The following CD200 variants were observed in gnomAD, a reference collection of about 807,000 sequenced individuals.
CD200 encodes OX-2 membrane glycoprotein.
In CD200, 15 loss-of-function variants were observed where a neutral mutation model predicts 30.9. That is an observed-to-expected ratio of 0.49 (90% CI 0.32 to 0.75). CD200 has a LOEUF of 0.75. Ranked by LOEUF, CD200 falls within the 30% of genes least tolerant of loss-of-function variation. The pLI, the probability that CD200 is intolerant of heterozygous loss-of-function variation, is 0.03. For synonymous variants in CD200, 134 were observed against 126.2 expected (o/e 1.06, Z -0.41); for missense variants, 262 against 324.2 (o/e 0.81, Z 1.47).
chr3:112,334,584 C>T (rs2081070836), intron 1 of CD200, among the ~76,000 whole-genome samples: 2 of 151,970 alleles, frequency 1.3e-5, no homozygotes, highest in Non-Finnish European at 2.9e-5. Context: ...TCTTTTTAAC[C>T]ATTAGATTGG....
chr3:112,344,936 A>G (rs374656451), intron 2 of CD200, 26 bp from the exon 3 acceptor site: 2 of 1,507,886 alleles, frequency 1.3e-6, no homozygotes, highest in Non-Finnish European at 9.1e-7. Context: ...ATCTTTAAAT[A>G]TAAATGTTCT....
Position 112,344,987 on chromosome 3 carries a change from A to G in CD200, c.120A>G (p.Arg40=), listed in dbSNP as rs1347930276. The change falls in exon 3 of 6, where the codon AGA becomes AGG. Residue 40 remains arginine (R), a synonymous_variant. Transcript: ENST00000315711. ...TGCAAGTGGTGACCCAGGATGAAAGAGAGCAGCTGTACACACCTGCTTCCT... is the reference window on the plus strand; with the variant it reads ...TGCAAGTGGTGACCCAGGATGAAAGGGAGCAGCTGTACACACCTGCTTCCT... ...AQVQVVTQDE[R]EQLYTPASLK... The G allele has an allele frequency of 6.2e-7, 1 of 1,612,930 alleles. No homozygotes were observed. Among genetic ancestry groups the G allele is most frequent in the Non-Finnish European group, 8.5e-7 (1 of 1,179,364 alleles).
intron 1 of CD200, chr3:112,335,878 G>A (rs1461334395): frequency 2.2e-5 from 25 of 1,134,014 alleles, no homozygotes; most frequent in Non-Finnish European, 1.2e-5. Flanking sequence ...GGTACAAGTT[G>A]GCCCCAAGAG....
chr3:112,340,752 A>G lies in CD200; in HGVS notation c.13-150A>G, dbSNP rs954801780. ...GCATGCTTTATTATTTCTTCCATTTATAACCTCTAGTTCTGCTCCCACAAA... is the reference window on the plus strand; with the variant it reads ...GCATGCTTTATTATTTCTTCCATTTGTAACCTCTAGTTCTGCTCCCACAAA... On this transcript the variant is annotated intron_variant, in intron 1 of 5. Coordinates refer to ENST00000315711, the MANE Select transcript of CD200 (RefSeq NM_005944.7). 7 of 572,272 alleles carry G rather than the reference A, an allele frequency of 1.2e-5. No homozygotes were observed. In the African/African-American group the frequency reaches 1.3e-4, roughly 11 times the overall value. 35.4% of individuals were successfully genotyped at this position (572,272 alleles called of 1,614,324 possible). A position where few individuals can be genotyped will look rare whatever the true frequency, so the allele number is the denominator to read the frequency against.
chr3:112,359,974 C>A (rs953884922), intron 5 of CD200, among the ~76,000 whole-genome samples: 1 of 152,228 alleles, frequency 6.6e-6, no homozygotes, highest in East Asian at 1.9e-4. Context: ...ATGGAGGAGA[C>A]AAGGGAAGAG....
In CD200 at chr3:112,361,544, G is replaced by C; in HGVS notation, c.804G>C (p.Glu268Asp). 1 of 1,607,548 alleles carries C rather than the reference G, an allele frequency of 6.2e-7. No individual in the cohort carries two copies. The highest frequency in any genetic ancestry group is 8.5e-7 in the Non-Finnish European group (1 of 1,174,066). ...YWKRHRNQDR[E>D]P ...ATACCTTGTTTTTCTTTTATCCAGA[G>C]CCCTAAATAAGTCACACAGCACCCT... is the stretch of plus-strand genomic sequence containing the variant. Residue 268 changes from glutamate to aspartate, a missense_variant and splice_region_variant, in exon 6 of 6, where the codon GAG (glutamate) becomes GAC (aspartate). Coordinates refer to ENST00000315711, the MANE Select transcript of CD200 (RefSeq NM_005944.7).
At position 112,333,909 on chromosome 3, in the gene CD200, A is replaced by C. The variant is rs531251036; in HGVS notation, c.12+685A>C. The C allele has an allele frequency of 1.4e-5, 14 of 985,294 alleles. No individual in the cohort carries two copies. In the Admixed American group the frequency reaches 1.8e-4, roughly 13 times the overall value. 61.0% of individuals were successfully genotyped at this position (985,294 alleles called of 1,614,324 possible). Reference sequence around the variant, plus strand: ...TTCGGAACCAGCTTACAAGACAAAAAACGGAGAAGGTTTTCATATATCCCA... The same window carrying C: ...TTCGGAACCAGCTTACAAGACAAAACACGGAGAAGGTTTTCATATATCCCA... On this transcript the variant is annotated intron_variant, in intron 1 of 5. Transcript: ENST00000315711.
intron 2 of CD200, among the ~76,000 whole-genome samples, chr3:112,344,043 T>G (rs577183323): frequency 2.4e-4 from 36 of 152,324 alleles, no homozygotes; most frequent in African/African-American, 8.7e-4. Flanking sequence ...TAAGTCAGCC[T>G]ATCTGTTGCA....
chr3:112,343,004 C>T (rs925438930), intron 2 of CD200, among the ~76,000 whole-genome samples: 9 of 151,544 alleles, frequency 5.9e-5, no homozygotes, highest in East Asian at 5.9e-4. Context: ...TGTGTGTGTG[C>T]GTCTTATGAT....
intron 3 of CD200, among the ~76,000 whole-genome samples, chr3:112,345,519 G>T (rs2081365596): frequency 6.6e-6 from 1 of 152,154 alleles, no homozygotes; most frequent in East Asian, 1.9e-4. Flanking sequence ...GCTGTCAACA[G>T]GAGAAATTTG....
intron 2 of CD200, among the ~76,000 whole-genome samples, chr3:112,344,296 T>C (rs1271764281): frequency 2.6e-5 from 4 of 152,228 alleles, no homozygotes; most frequent in Non-Finnish European, 4.4e-5. Flanking sequence ...AAATAATGTA[T>C]GATGGTATGA....
At chr3:112,352,235 A>G (rs2081545928) in intron 5 of CD200, among the ~76,000 whole-genome samples, 1 of 152,222 alleles carries the variant, frequency 6.6e-6, no homozygotes, top group Admixed American at 6.5e-5. Flanking sequence ...AGGTTATACA[A>G]AAAGTTGGGA....
rs1329964442 is a variant in CD200 at position 112,362,418 on chromosome 3, T to A, written c.*868T>A. On this transcript the variant is annotated 3_prime_UTR_variant, in exon 6 of 6. Coordinates refer to ENST00000315711, the MANE Select transcript of CD200 (RefSeq NM_005944.7). ...TCATTCTAAATTCAGCCTCATATAA[T>A]GAAAATACATTATGAAAACAGATGT... 6.6e-6 allele frequency: 1 copy of A among 152,528 alleles called. No homozygotes were observed. The highest frequency in any genetic ancestry group is 1.5e-5 in the Non-Finnish European group (1 of 68,042). 9.4% of individuals were successfully genotyped at this position (152,528 alleles called of 1,614,324 possible).
intron 2 of CD200, among the ~76,000 whole-genome samples, chr3:112,343,434 G>T (rs1186579491): frequency 6.6e-6 from 1 of 151,934 alleles, no homozygotes; most frequent in Non-Finnish European, 1.5e-5. Flanking sequence ...CTCCTGAGTA[G>T]CCAGGACTAC....
intron 5 of CD200, 107 bp downstream of exon 5, chr3:112,349,926 T>G (rs1237741062): frequency 7.3e-7 from 1 of 1,374,086 alleles, no homozygotes. Context: ...AACAATGTGT[T>G]TTGTCTGTTG....
intron 1 of CD200, among the ~76,000 whole-genome samples, chr3:112,334,442 A>G (rs995907371): frequency 3.9e-5 from 6 of 152,232 alleles, no homozygotes; most frequent in South Asian, 2.1e-4. Context: ...GGCATTTACT[A>G]TAACCTAGGC....
chr3:112,334,780 T>C (rs750672355), intron 1 of CD200, among the ~76,000 whole-genome samples: 2 of 152,158 alleles, frequency 1.3e-5, no homozygotes, highest in Non-Finnish European at 2.9e-5. Context: ...AAAATACGTA[T>C]CTATTTAAGA....
chr3:112,343,002 T>C (rs2081302998), intron 2 of CD200, among the ~76,000 whole-genome samples: 1 of 152,140 alleles, frequency 6.6e-6, no homozygotes, highest in Admixed American at 6.5e-5. Context: ...TGTGTGTGTG[T>C]GCGTCTTATG....
At position 112,345,299 on chromosome 3, in the gene CD200, C is replaced by T. The variant is rs759956477; in HGVS notation, c.421+11C>T. 1 of 1,598,160 alleles carries T rather than the reference C, an allele frequency of 6.3e-7. No homozygotes were observed. Among genetic ancestry groups the T allele is most frequent in the Admixed American group, 1.7e-5 (1 of 59,772 alleles). On this transcript the variant is annotated intron_variant, in intron 3 of 5. Coordinates refer to ENST00000315711, the MANE Select transcript of CD200 (RefSeq NM_005944.7). Reference sequence around the variant, plus strand: ...GCCTCACCGTCTATGGTGAGAATCTCTGAGAATCATTGTCTGTGTCTGGAA... The same window carrying T: ...GCCTCACCGTCTATGGTGAGAATCTTTGAGAATCATTGTCTGTGTCTGGAA...
Sources: gnomAD v4.1 joint callset for allele counts (sites outside exome capture counted in the v4.1 genomes callset) on GRCh38, gnomAD v4.1.1 for gene constraint, MANE v1.5 for transcripts, NCBI Gene and HGNC (gene_info 2026-07-23, HGNC 2026-07-21) for gene names.